CRYBG3: variants seen among roughly 807,000 people sequenced by gnomAD.
CRYBG3 encodes the protein very large A-kinase anchor protein.
CRYBG3 carries 127 observed loss-of-function variants against 244.2 expected under a neutral mutation model. The ratio of observed to expected loss-of-function variants is 0.52; its 90% CI spans 0.45 to 0.60. The LOEUF is 0.60. Ranked by LOEUF, CRYBG3 falls within the 20% of genes least tolerant of loss-of-function variation. The pLI is 0.00. For missense variants in CRYBG3, 3,325 were observed against 3,442.5 expected (o/e 0.97, Z 0.85); for synonymous variants, 1,132 against 1,195.8 (o/e 0.95, Z 1.10).
intron 19 of CRYBG3, among the ~76,000 whole-genome samples, chr3:97,938,786 T>G (rs1463061224): frequency 6.6e-6 from 1 of 152,018 alleles, no homozygotes; most frequent in African/African-American, 2.4e-5. Flanking sequence ...TACACTTATT[T>G]TGAAAATTTT....
At chr3:97,914,017 C>T (rs2039901014) in intron 16 of CRYBG3, among the ~76,000 whole-genome samples, 1 of 152,102 alleles carries the variant, frequency 6.6e-6, no homozygotes, top group South Asian at 2.1e-4. Context: ...GTGACCCCTG[C>T]TTAATAATAA....
intron 12 of CRYBG3, among the ~76,000 whole-genome samples, chr3:97,898,349 G>A (rs1052096428): frequency 4.0e-5 from 6 of 151,888 alleles, no homozygotes; most frequent in Non-Finnish European, 8.8e-5. Context: ...TCTTTTGCCG[G>A]TTTATCTGTT....
At chr3:97,895,829 A>C (rs2039633742) in intron 11 of CRYBG3, 130 bp from the exon 12 acceptor site, 1 of 754,950 alleles carries the variant, frequency 1.3e-6, no homozygotes, top group South Asian at 2.2e-5. Flanking sequence ...TTATAAATGA[A>C]ACAAAACTAA....
At chr3:97,840,672 C>A (rs543411732) in intron 1 of CRYBG3, 1 of 152,144 alleles carries the variant, frequency 6.6e-6, no homozygotes, top group Non-Finnish European at 1.5e-5. Context: ...CATTTACAGT[C>A]TTAGGCAGTA....
chr3:97,941,001 C>G, intron 19 of CRYBG3, 147 bp from the exon 20 acceptor site: 1 of 592,476 alleles, frequency 1.7e-6, no homozygotes, highest in Non-Finnish European at 2.9e-6. Flanking sequence ...CCATATTAAT[C>G]TATGCAGATT....
At chr3:97,932,105 C>T (rs1249945694) in intron 17 of CRYBG3, among the ~76,000 whole-genome samples, 2 of 151,994 alleles carry the variant, frequency 1.3e-5, no homozygotes, top group Admixed American at 6.6e-5. Context: ...CACTTGTGCC[C>T]TTTATCTTCT....
At chr3:97,887,028 T>C (rs1459244169) in intron 8 of CRYBG3, among the ~76,000 whole-genome samples, 2 of 152,176 alleles carry the variant, frequency 1.3e-5, no homozygotes, top group African/African-American at 4.8e-5. Context: ...GATTGAGAAA[T>C]AAAAGCATGT....
In CRYBG3 at chr3:97,872,311, C is replaced by G; in HGVS notation, c.1117C>G (p.Gln373Glu). ...CCATTTAAGTTGTGAACCGGTTTCT[C>G]AGACTAACAGAAATTTGGTATGTTC... ...QHHLSCEPVSQTNRNLVCSAL... is the reference protein window; with the variant it reads ...QHHLSCEPVSETNRNLVCSAL... Residue 373 changes from glutamine to glutamate, a missense_variant, in exon 4 of 22, where the codon CAG becomes GAG. By Grantham distance (29) the Gln-to-Glu change is conservative. Coordinates refer to ENST00000389622, the MANE Select transcript of CRYBG3 (RefSeq NM_153605.4). 6.5e-7 allele frequency: 1 copy of G among 1,535,932 alleles called. No homozygotes were observed. Among genetic ancestry groups the G allele is most frequent in the Non-Finnish European group, 8.7e-7 (1 of 1,146,810 alleles).
intron 1 of CRYBG3, among the ~76,000 whole-genome samples, chr3:97,837,974 C>A (rs1373002419): frequency 6.6e-6 from 1 of 152,112 alleles, no homozygotes. Context: ...CTCTCCCTTA[C>A]TGTGCCTCAC....
At chr3:97,931,817 C>G (rs112805583) in intron 17 of CRYBG3, among the ~76,000 whole-genome samples, 160 of 152,132 alleles carry the variant, frequency 1.1e-3, no homozygotes, top group African/African-American at 3.4e-3. Context: ...TTACTCCTAA[C>G]CTTCCCCCTA....
At chr3:97,840,783 G>C (rs1048896810) in intron 1 of CRYBG3, 1 of 152,052 alleles carries the variant, frequency 6.6e-6, no homozygotes, top group Admixed American at 6.6e-5. Flanking sequence ...TGTTTAAGTA[G>C]TTTTTAGGTA....
At chr3:97,860,645 C>T (rs1043990161) in intron 2 of CRYBG3, among the ~76,000 whole-genome samples, 8 of 152,116 alleles carry the variant, frequency 5.3e-5, no homozygotes, top group Non-Finnish European at 1.0e-4. Flanking sequence ...TAGTCCTCAT[C>T]TTTCTTGAGC....
intron 15 of CRYBG3, among the ~76,000 whole-genome samples, chr3:97,910,277 C>CTTG (rs2039851827): frequency 6.6e-6 from 1 of 152,156 alleles, no homozygotes; most frequent in African/African-American, 2.4e-5. Flanking sequence ...GGGCTCCACC[C>CTTG]AGTTCGAGCT....
chr3:97,932,460 T>C (rs1397013396), intron 17 of CRYBG3, among the ~76,000 whole-genome samples: 1 of 152,080 alleles, frequency 6.6e-6, no homozygotes, highest in Non-Finnish European at 1.5e-5. Context: ...AACTATTTCA[T>C]AATTCATCCT....
chr3:97,880,976 C>A, intron 6 of CRYBG3, 96 bp from the exon 7 acceptor site: 1 of 932,220 alleles, frequency 1.1e-6, no homozygotes, highest in Non-Finnish European at 1.5e-6. Flanking sequence ...GATATCCCAG[C>A]TTAAAAAATT....
In CRYBG3 at chr3:97,828,001, T is replaced by C. The variant is rs542735638; in HGVS notation, c.149+5646T>C. On this transcript the variant is annotated intron_variant, in intron 1 of 21. Transcript: ENST00000389622. Reference sequence around the variant, plus strand: ...GGTCAGAGCTATGGACAATCAAGAATTATACTCCTGAGAGTTGGGAGAGGA... The same window carrying C: ...GGTCAGAGCTATGGACAATCAAGAACTATACTCCTGAGAGTTGGGAGAGGA... Among the ~76,000 whole-genome samples the C allele has an allele frequency of 2.0e-5, 3 of 152,266 alleles. No homozygotes were observed. In the East Asian group the frequency reaches 5.8e-4, roughly 29 times the overall value.
intron 18 of CRYBG3, among the ~76,000 whole-genome samples, chr3:97,935,953 C>T (rs2040159292): frequency 1.3e-5 from 2 of 152,064 alleles, no homozygotes; most frequent in African/African-American, 4.8e-5. Flanking sequence ...GTACACTGAC[C>T]TTGAGTCCTG....
chr3:97,841,265 CACATATAT>C (rs1475232790), intron 1 of CRYBG3, among the ~76,000 whole-genome samples: 8 of 133,176 alleles, frequency 6.0e-5, no homozygotes, highest in African/African-American at 2.4e-4. Flanking sequence ...TATGTGTATA[CACATATAT>C]GTACATATAG....
At chr3:97,847,789 G>A (rs904011151) in intron 2 of CRYBG3, among the ~76,000 whole-genome samples, 2 of 152,180 alleles carry the variant, frequency 1.3e-5, no homozygotes, top group Non-Finnish European at 2.9e-5. Context: ...CAACTTTGTT[G>A]AAGGATTTAG....
Sources: gnomAD v4.1 joint callset for allele counts (sites outside exome capture counted in the v4.1 genomes callset) on GRCh38, gnomAD v4.1.1 for gene constraint, MANE v1.5 for transcripts, NCBI Gene and HGNC (gene_info 2026-07-23, HGNC 2026-07-21) for gene names.